The following KCNQ1 variants were observed in gnomAD, a reference collection of about 807,000 sequenced individuals.
KCNQ1 encodes potassium voltage-gated channel subfamily KQT member 1.
A neutral mutation model predicts 72.4 loss-of-function variants in KCNQ1; 49 were observed. That is an observed-to-expected ratio of 0.68 (90% CI 0.54 to 0.86). The LOEUF is 0.86. Among genes scored for constraint, KCNQ1 ranks in the 40% least tolerant of loss-of-function variants. The probability of loss-of-function intolerance (pLI) is 0.00; values close to 1 mark genes in which losing one functional copy is unlikely to be tolerated. For synonymous variants in KCNQ1, 450 were observed against 412.6 expected, an observed-to-expected ratio of 1.09 and a Z score of -1.10; for missense variants, 790 against 945.1, an observed-to-expected ratio of 0.84 and a Z score of 2.15.
At chr11:2,573,082 G>T (rs1848366657) in intron 6 of KCNQ1, 96 bp downstream of exon 6, 9 of 1,445,610 alleles carry the variant, frequency 6.2e-6, no homozygotes, top group Non-Finnish European at 8.4e-6. Context: ...TTCGGGCCTT[G>T]GCAGGGGCTT....
intron 15 of KCNQ1, among the ~76,000 whole-genome samples, chr11:2,829,169 A>G (rs1047085591): frequency 9.9e-5 from 15 of 152,244 alleles, no homozygotes; most frequent in African/African-American, 3.6e-4. Context: ...GAGAAACACA[A>G]TTCAAGAACC....
intron 15 of KCNQ1, among the ~76,000 whole-genome samples, chr11:2,844,761 G>A (rs1339458914): frequency 6.6e-6 from 1 of 152,236 alleles, no homozygotes; most frequent in East Asian, 1.9e-4. Flanking sequence ...GTGGGACTTG[G>A]ACAGATGTTC....
rs1357524485 is a variant in KCNQ1 at position 2,568,894 on chromosome 11, T to G, written c.478-1734T>G. Reference sequence around the variant, plus strand: ...TTTTTTGATTTTTGTTTTTCGTTTTTTGTTTTTTGAGATGGAGTCTCACTC... The same window carrying G: ...TTTTTTGATTTTTGTTTTTCGTTTTGTGTTTTTTGAGATGGAGTCTCACTC... On this transcript the variant is annotated intron_variant, in intron 2 of 15. Transcript: ENST00000155840. Among the ~76,000 whole-genome samples the G allele has an allele frequency of 2.6e-5, 4 of 152,176 alleles. No homozygotes were observed. In the East Asian group the frequency reaches 5.8e-4, roughly 22 times the overall value.
At chr11:2,648,815 C>A (rs1367788647) in intron 10 of KCNQ1, 1 of 398,262 alleles carries the variant, frequency 2.5e-6, no homozygotes, top group Non-Finnish European at 4.4e-6. Flanking sequence ...TGTTGCCATC[C>A]CTAACTATTA....
chr11:2,473,266 C>T lies in KCNQ1; in HGVS notation c.386+27782C>T, dbSNP rs1564791144. 1.3e-5 allele frequency among the ~76,000 whole-genome samples: 2 copies of T among 152,098 alleles called. No individual in the cohort carries two copies. Among genetic ancestry groups the T allele is most frequent in the Non-Finnish European group, 2.9e-5 (2 of 68,012 alleles). ...ATTCTGATGTCATTTATTGCTGTTC[C>T]TATATTTGTATAATAAATGGAAGAA... On this transcript the variant is annotated intron_variant, in intron 1 of 15. Coordinates refer to ENST00000155840, the MANE Select transcript of KCNQ1 (RefSeq NM_000218.3). The surrounding 1 kb of genome is among the most constrained non-coding windows in gnomAD (Gnocchi z 6.0).
intron 2 of KCNQ1, among the ~76,000 whole-genome samples, chr11:2,545,739 G>C (rs1349473015): frequency 6.6e-6 from 1 of 152,130 alleles, no homozygotes; most frequent in African/African-American, 2.4e-5. Context: ...TCTTGAGTGG[G>C]CTTTGGTATT....
chr11:2,661,584 T>G lies in KCNQ1; in HGVS notation c.1394-377T>G, dbSNP rs1475757637. ...TGTGACAATGTATGGTGGTGGGAGC[T>G]GTTGTCCCTTACCAGGCCTGTGCCT... On this transcript the variant is annotated intron_variant, in intron 10 of 15. Coordinates refer to ENST00000155840, the MANE Select transcript of KCNQ1 (RefSeq NM_000218.3). The surrounding 1 kb of genome is among the most constrained non-coding windows in gnomAD (Gnocchi z 5.9). 1.1e-5 allele frequency: 6 copies of G among 562,674 alleles called. No homozygotes were observed. Among genetic ancestry groups the G allele is most frequent in the Non-Finnish European group, 1.9e-5 (6 of 316,670 alleles). The allele number at this position is 562,674 out of a possible 1,614,324, so 34.9% of individuals were successfully genotyped here. A position where few individuals can be genotyped will look rare whatever the true frequency, so the allele number is the denominator to read the frequency against.
intron 10 of KCNQ1, chr11:2,614,659 C>T (rs900218848): frequency 2.3e-5 from 9 of 398,444 alleles, no homozygotes; most frequent in African/African-American, 1.4e-4. Context: ...ATTCTTGATA[C>T]ATTTGTTGAA....
intron 2 of KCNQ1, among the ~76,000 whole-genome samples, chr11:2,568,926 C>G (rs953392119): frequency 1.3e-5 from 2 of 152,166 alleles, no homozygotes; most frequent in African/African-American, 4.8e-5. Flanking sequence ...ACTCTGTCAC[C>G]CAGGCTGGAG....
Position 2,658,453 on chromosome 11 carries a change from T to C in KCNQ1, c.1394-3508T>C, listed in dbSNP as rs1339576555. 2.5e-6 allele frequency: 1 copy of C among 398,644 alleles called. No homozygotes were observed. Among genetic ancestry groups the C allele is most frequent in the East Asian group, 3.6e-5 (1 of 28,074 alleles). 24.7% of individuals were successfully genotyped at this position (398,644 alleles called of 1,614,324 possible). ...GCCACTGGTGGGTTCATGTGTCCTT[T>C]TGATGTGCCCCCCGCCATCCTTTTC... On this transcript the variant is annotated intron_variant, in intron 10 of 15. Coordinates refer to ENST00000155840, the MANE Select transcript of KCNQ1 (RefSeq NM_000218.3). The surrounding 1 kb of genome is among the most constrained non-coding windows in gnomAD (Gnocchi z 4.9).
intron 11 of KCNQ1, among the ~76,000 whole-genome samples, chr11:2,765,623 C>T (rs1846483966): frequency 6.6e-6 from 1 of 152,178 alleles, no homozygotes; most frequent in South Asian, 2.1e-4. Context: ...TTTAGTTCTG[C>T]CAGTTTGCTT....
chr11:2,691,959 G>A lies in KCNQ1; in HGVS notation c.1514+29878G>A. 2 of 398,622 alleles carry A rather than the reference G, an allele frequency of 5.0e-6. No individual in the cohort carries two copies. Among genetic ancestry groups the A allele is most frequent in the Non-Finnish European group, 8.8e-6 (2 of 226,100 alleles). 24.7% of individuals were successfully genotyped at this position (398,622 alleles called of 1,614,324 possible). On this transcript the variant is annotated intron_variant, in intron 11 of 15. Coordinates refer to ENST00000155840, the MANE Select transcript of KCNQ1 (RefSeq NM_000218.3). This position sits in a 1 kb window ranked among gnomAD's most constrained non-coding sequence, Gnocchi z 6.4. Reference sequence around the variant, plus strand: ...TCTGGCATGGCCACTAAATGCCAGTGCCTTTCTCTATGCAAACCATTTCCC... The same window carrying A: ...TCTGGCATGGCCACTAAATGCCAGTACCTTTCTCTATGCAAACCATTTCCC...
In KCNQ1 at chr11:2,695,787, TCTC is replaced by T. The variant is rs1850665724; in HGVS notation, c.1514+33709_1514+33711del. On this transcript the variant is annotated intron_variant, in intron 11 of 15. Coordinates refer to ENST00000155840, the MANE Select transcript of KCNQ1 (RefSeq NM_000218.3). The surrounding 1 kb of genome is among the most constrained non-coding windows in gnomAD (Gnocchi z 5.2). ...TGGCCTTATCCTACTTTCTAATGCTTCTCCTATGAAGAATAGCTGTTGCTTTCA... is the reference window on the plus strand; with the variant it reads ...TGGCCTTATCCTACTTTCTAATGCTTCTATGAAGAATAGCTGTTGCTTTCA... 1.0e-5 allele frequency: 4 copies of T among 398,516 alleles called. No individual in the cohort carries two copies. The highest frequency in any genetic ancestry group is 2.1e-5 in the African/African-American group (1 of 48,624). The allele number at this position is 398,516 out of a possible 1,614,324, so 24.7% of individuals were successfully genotyped here. A position where few individuals can be genotyped will look rare whatever the true frequency, so the allele number is the denominator to read the frequency against.
chr11:2,674,257 C>G lies in KCNQ1; in HGVS notation c.1514+12176C>G, dbSNP rs1474973246. ...TGAGCAGAGCTGGAGGCCCCTCTCTCCCAGCCCCCGGCACACACACTAGGA... is the reference window on the plus strand; with the variant it reads ...TGAGCAGAGCTGGAGGCCCCTCTCTGCCAGCCCCCGGCACACACACTAGGA... On this transcript the variant is annotated intron_variant, in intron 11 of 15. Coordinates refer to ENST00000155840, the MANE Select transcript of KCNQ1 (RefSeq NM_000218.3). The surrounding 1 kb of genome is among the most constrained non-coding windows in gnomAD (Gnocchi z 5.9). 1 of 398,720 alleles carries G rather than the reference C, an allele frequency of 2.5e-6. No homozygotes were observed. Among genetic ancestry groups the G allele is most frequent in the African/African-American group, 2.1e-5 (1 of 48,746 alleles). The allele number at this position is 398,720 out of a possible 1,614,324, so 24.7% of individuals were successfully genotyped here. A position where few individuals can be genotyped will look rare whatever the true frequency, so the allele number is the denominator to read the frequency against.
At chr11:2,780,990 C>T (rs1846813539) in intron 15 of KCNQ1, among the ~76,000 whole-genome samples, 2 of 152,184 alleles carry the variant, frequency 1.3e-5, no homozygotes, top group South Asian at 4.1e-4. Flanking sequence ...GGTTCTGCCT[C>T]ACTCCAGGGT....
Position 2,848,012 on chromosome 11 carries a change from T to C in KCNQ1, c.*9T>C. On this transcript the variant is annotated 3_prime_UTR_variant, in exon 16 of 16. Transcript: ENST00000155840. ...CCGATGAGGGGTCCTGAGGAGGGGA[T>C]GGGGCTGGGGGATGGGCCTGAGTGA... 2.0e-6 allele frequency: 3 copies of C among 1,535,550 alleles called. No homozygotes were observed. Among genetic ancestry groups the C allele is most frequent in the Non-Finnish European group, 2.6e-6 (3 of 1,139,288 alleles).
intron 2 of KCNQ1, among the ~76,000 whole-genome samples, chr11:2,558,155 C>T (rs1848099297): frequency 6.6e-6 from 1 of 152,238 alleles, no homozygotes; most frequent in African/African-American, 2.4e-5. Flanking sequence ...CGCTGCCTGC[C>T]CCAGCCCCTA....
rs531922436 is a variant in KCNQ1, at chr11:2,532,554, G to T, written c.477+4536G>T. ...GGCAGCCGTGGGCCTGGCCTTGACA[G>T]GCGGATGTACAGACACATCAGGGCC... On this transcript the variant is annotated intron_variant, in intron 2 of 15. Transcript: ENST00000155840. Among the ~76,000 whole-genome samples the T allele has an allele frequency of 6.1e-4, 93 of 152,348 alleles. 1 individual carries two copies. Among genetic ancestry groups the T allele is most frequent in the African/African-American group, 2.2e-3 (90 of 41,592 alleles).
intron 10 of KCNQ1, chr11:2,656,486 C>A: frequency 5.0e-6 from 2 of 398,698 alleles, no homozygotes; most frequent in Non-Finnish European, 8.8e-6. Context: ...CACTCGCCCC[C>A]ACGGGCCATG....
Sources: allele counts gnomAD v4.1 joint callset (sites outside exome capture counted in the v4.1 genomes callset), GRCh38; gene constraint gnomAD v4.1.1; non-coding constraint Gnocchi (gnomAD v3.1); transcripts MANE v1.5; gene names NCBI Gene and HGNC (gene_info 2026-07-23, HGNC 2026-07-21).